GSE1: variants seen among roughly 807,000 people sequenced by gnomAD.
GSE1 encodes the protein Gse1 coiled-coil protein.
A neutral mutation model predicts 112.6 loss-of-function variants in GSE1; 32 were observed. The ratio of observed to expected loss-of-function variants is 0.28; its 90% CI spans 0.21 to 0.38. GSE1 has a LOEUF of 0.38. Ranked by LOEUF, GSE1 falls within the 10% of genes least tolerant of loss-of-function variation. The probability of loss-of-function intolerance (pLI) is 1.00; values close to 1 mark genes in which losing one functional copy is unlikely to be tolerated. For synonymous variants in GSE1, 1,115 were observed against 735.6 expected, an observed-to-expected ratio of 1.52 and a Z score of -8.35; for missense variants, 2,348 against 1,699.2, an observed-to-expected ratio of 1.38 and a Z score of -6.71.
intron 1 of GSE1, among the ~76,000 whole-genome samples, chr16:85,305,947 G>C (rs1029546459): frequency 6.6e-6 from 1 of 152,074 alleles, no homozygotes; most frequent in Non-Finnish European, 1.5e-5. Flanking sequence ...AAAATTAGCC[G>C]GATGGTAGTG....
chr16:85,629,798 C>T (rs1022947759), intron 1 of GSE1, among the ~76,000 whole-genome samples: 2 of 152,184 alleles, frequency 1.3e-5, no homozygotes, highest in African/African-American at 4.8e-5. Context: ...AGTTTCACTT[C>T]TTGGCTTTCT....
chr16:85,398,328 C>A (rs776890738), intron 2 of GSE1, among the ~76,000 whole-genome samples: 51 of 152,218 alleles, frequency 3.4e-4, no homozygotes, highest in Middle Eastern at 3.4e-3. Context: ...CCTGAGGGGT[C>A]GCAGAGCTCC....
intron 1 of GSE1, among the ~76,000 whole-genome samples, chr16:85,346,799 A>G (rs2046751126): frequency 1.4e-5 from 2 of 142,166 alleles, no homozygotes; most frequent in South Asian, 2.3e-4. Flanking sequence ...GGACAGGTAG[A>G]TGGATGAGTG....
Position 85,312,210 on chromosome 16 carries a change from G to A in GSE1, c.2284-45253G>A, listed in dbSNP as rs890470485. 4.0e-5 allele frequency among the ~76,000 whole-genome samples: 6 copies of A among 151,494 alleles called. 2 individuals are homozygous for A. The highest frequency in any genetic ancestry group is 3.9e-4 in the East Asian group (2 of 5,184). ...GGTCTCTCTGATCCTCTTGCGGGGG[G>A]GGGGGGGACACACTTACCCCCAAAC... On this transcript the variant is annotated intron_variant, in intron 1 of 2. Transcript: ENST00000637419.
At chr16:85,556,067 G>A (rs1375433705) in exon 1 of GSE1, 1 of 984,886 alleles carries the variant, frequency 1.0e-6, no homozygotes, top group South Asian at 4.7e-5. Context: ...ACCTCATTGT[G>A]GATCTGCCAG....
chr16:85,218,468 A>C (rs1446666869), intron 1 of GSE1, among the ~76,000 whole-genome samples: 1 of 152,204 alleles, frequency 6.6e-6, no homozygotes, highest in Non-Finnish European at 1.5e-5. Context: ...GCGGAGTGCC[A>C]GGCACACTTC....
intron 1 of GSE1, among the ~76,000 whole-genome samples, chr16:85,265,780 G>C (rs965768690): frequency 3.9e-5 from 6 of 152,168 alleles, no homozygotes; most frequent in African/African-American, 1.4e-4. Context: ...AACATCCCAT[G>C]CATCGCCGGG....
intron 1 of GSE1, among the ~76,000 whole-genome samples, chr16:85,276,930 C>T (rs11640699): frequency 0.087 from 13,290 of 152,186 alleles, 773 homozygotes; most frequent in African/African-American, 0.16. Flanking sequence ...TGCTGGGCAG[C>T]GTGGGTGGGC....
intron 1 of GSE1, among the ~76,000 whole-genome samples, chr16:85,309,573 A>C (rs1257298630): frequency 6.6e-6 from 1 of 152,254 alleles, no homozygotes; most frequent in African/African-American, 2.4e-5. Flanking sequence ...TTAACTCAGC[A>C]CATCCAAAAT....
At position 85,402,059 on chromosome 16, in the gene GSE1, T is replaced by C. The variant is rs116244015; in HGVS notation, c.2464+44416T>C. ...CGGAGACGTTGGAGGCCCAACCATT[T>C]CCTCACAAGTCGTTCTGTTCCCAAG... is the stretch of plus-strand genomic sequence containing the variant. On this transcript the variant is annotated intron_variant, in intron 2 of 2. Transcript: ENST00000637419. Among the ~76,000 whole-genome samples the C allele has an allele frequency of 6.9e-3, 1,054 of 152,324 alleles. 11 individuals carry two copies. The highest frequency in any genetic ancestry group is 0.024 in the African/African-American group (990 of 41,558).
At chr16:85,447,037 G>C (rs1478753757) in intron 2 of GSE1, among the ~76,000 whole-genome samples, 4 of 152,210 alleles carry the variant, frequency 2.6e-5, no homozygotes, top group South Asian at 2.1e-4. Flanking sequence ...CCTCTATTTT[G>C]AGCCAGGACA....
intron 1 of GSE1, among the ~76,000 whole-genome samples, chr16:85,181,829 T>C (rs950375738): frequency 1.3e-5 from 2 of 152,164 alleles, no homozygotes; most frequent in Non-Finnish European, 2.9e-5. Flanking sequence ...GGATGGCAGC[T>C]GAGGGTAGGT....
intron 2 of GSE1, among the ~76,000 whole-genome samples, chr16:85,403,497 T>C (rs910582665): frequency 4.6e-5 from 7 of 151,878 alleles, no homozygotes; most frequent in Admixed American, 4.6e-4. Flanking sequence ...AGGGATAAAA[T>C]TGACATTGTA....
intron 1 of GSE1, among the ~76,000 whole-genome samples, chr16:85,575,387 G>C (rs1399929207): frequency 6.6e-6 from 1 of 152,124 alleles, no homozygotes; most frequent in Non-Finnish European, 1.5e-5. Context: ...TTATTTCATT[G>C]GAAGGAATTA....
intron 2 of GSE1, among the ~76,000 whole-genome samples, chr16:85,496,628 G>T (rs1470690924): frequency 6.6e-6 from 1 of 152,262 alleles, no homozygotes; most frequent in Non-Finnish European, 1.5e-5. Flanking sequence ...TGACTTGTTT[G>T]CAGGGAGCTG....
chr16:85,342,965 A>G (rs2046656629), intron 1 of GSE1, among the ~76,000 whole-genome samples: 1 of 151,862 alleles, frequency 6.6e-6, no homozygotes, highest in Non-Finnish European at 1.5e-5. Context: ...ACAGGCTCTG[A>G]AGATAGGAGG....
Position 85,652,196 on chromosome 16 carries a change from A to C in GSE1, c.427-2082A>C, listed in dbSNP as rs537570044. ...CATGCCCGTTCATAGCCGTGCCATC[A>C]ACTCTGCTGTCCTCTGAGCAGGTGC... On this transcript the variant is annotated intron_variant, in intron 3 of 15. Transcript: ENST00000253458. 2.0e-5 allele frequency among the ~76,000 whole-genome samples: 3 copies of C among 152,282 alleles called. No homozygotes were observed. The East Asian group carries it at 5.8e-4, about 29-fold the overall frequency.
intron 2 of GSE1, among the ~76,000 whole-genome samples, chr16:85,385,766 C>T (rs1048947347): frequency 4.6e-5 from 7 of 152,198 alleles, no homozygotes; most frequent in African/African-American, 1.7e-4. Flanking sequence ...GTAATGGGGT[C>T]ATAGATCACT....
intron 2 of GSE1, among the ~76,000 whole-genome samples, chr16:85,475,882 C>T (rs571980042): frequency 6.6e-6 from 1 of 151,894 alleles, no homozygotes; most frequent in East Asian, 1.9e-4. Context: ...CCTCAGCCTC[C>T]CTAAGCGCTA....
Sources: gnomAD v4.1 joint callset for allele counts (sites outside exome capture counted in the v4.1 genomes callset) on GRCh38, gnomAD v4.1.1 for gene constraint, MANE v1.5 for transcripts, NCBI Gene and HGNC (gene_info 2026-07-23, HGNC 2026-07-21) for gene names.